Variants in NAALADL2 observed in about 807,000 individuals in gnomAD.
NAALADL2 encodes inactive N-acetylated-alpha-linked acidic dipeptidase-like protein 2.
NAALADL2 carries 76 observed loss-of-function variants against 87.2 expected under a neutral mutation model. The ratio of observed to expected loss-of-function variants is 0.87; its 90% CI spans 0.72 to 1.05. NAALADL2 has a LOEUF of 1.05. NAALADL2 is among the 50% of genes least tolerant of loss of function. NAALADL2 has a pLI of 0.00. For synonymous variants in NAALADL2, 354 were observed against 331.0 expected, an observed-to-expected ratio of 1.07 and a Z score of -0.75; for missense variants, 1,089 against 945.8, an observed-to-expected ratio of 1.15 and a Z score of -1.99.
At chr3:174,578,331 G>A (rs538270651) in intron 2 of NAALADL2, among the ~76,000 whole-genome samples, 2 of 151,850 alleles carry the variant, frequency 1.3e-5, no homozygotes, top group African/African-American at 4.8e-5. Flanking sequence ...TAGGCATATC[G>A]TAAGCTAACT....
chr3:174,900,241 G>A lies in NAALADL2; in HGVS notation c.43+40791G>A, dbSNP rs571506845. On this transcript the variant is annotated intron_variant, in intron 1 of 13. Coordinates refer to ENST00000454872, the MANE Select transcript of NAALADL2 (RefSeq NM_207015.3). ...CTTTTATTATAGATAAAATGGACAA[G>A]TTAGAATCACAAAATTGGGTAGATA... 2.0e-5 allele frequency among the ~76,000 whole-genome samples: 3 copies of A among 152,098 alleles called. No homozygotes were observed. The East Asian group carries it at 5.8e-4, about 29-fold the overall frequency.
At chr3:175,401,011 G>T (rs1770499780) in intron 5 of NAALADL2, among the ~76,000 whole-genome samples, 2 of 152,150 alleles carry the variant, frequency 1.3e-5, no homozygotes, top group African/African-American at 4.8e-5. Context: ...TTTCTCTAAA[G>T]TTAGCGGCTT....
chr3:174,962,813 G>C (rs1040137816), intron 1 of NAALADL2, among the ~76,000 whole-genome samples: 1 of 152,012 alleles, frequency 6.6e-6, no homozygotes, highest in African/African-American at 2.4e-5. Context: ...TTGTCCCTCT[G>C]TATCTGTGGG....
intron 1 of NAALADL2, among the ~76,000 whole-genome samples, chr3:174,502,575 G>T (rs891909065): frequency 6.6e-6 from 1 of 151,926 alleles, no homozygotes; most frequent in Non-Finnish European, 1.5e-5. Context: ...ATTTTCATTT[G>T]AATATTTATG....
chr3:174,686,361 G>T (rs953901834), intron 2 of NAALADL2, among the ~76,000 whole-genome samples: 4 of 151,982 alleles, frequency 2.6e-5, no homozygotes, highest in African/African-American at 9.7e-5. Flanking sequence ...TTCAAAAGAG[G>T]TGAAGCATCT....
Position 175,740,956 on chromosome 3 carries a change from A to T in NAALADL2, c.1990+3557A>T, listed in dbSNP as rs149163029. Among the ~76,000 whole-genome samples the T allele has an allele frequency of 5.6e-3, 852 of 152,298 alleles. 7 individuals carry two copies. The highest frequency in any genetic ancestry group is 0.013 in the South Asian group (63 of 4,824). ...TAGGTGATAAAAAAGTATGGAGTCA[A>T]GGAAGTGTAGCATGTTTTTATTTTG... On this transcript the variant is annotated intron_variant, in intron 12 of 13. Coordinates refer to ENST00000454872, the MANE Select transcript of NAALADL2 (RefSeq NM_207015.3).
upstream of NAALADL2, among the ~76,000 whole-genome samples, chr3:174,855,858 GTGTATATA>G (rs1227912191): frequency 2.0e-5 from 3 of 146,918 alleles, no homozygotes; most frequent in Admixed American, 6.9e-5. Context: ...ATGTATATAT[GTGTATATA>G]TGTATATATA....
intron 4 of NAALADL2, among the ~76,000 whole-genome samples, chr3:175,267,484 A>G (rs981678461): frequency 1.3e-5 from 2 of 152,160 alleles, no homozygotes; most frequent in East Asian, 1.9e-4. Flanking sequence ...GTTTTGAGTA[A>G]TGCCTGACTC....
rs200882689 is a variant in NAALADL2 at position 175,234,014 on chromosome 3, A to G, written c.629A>G (p.Glu210Gly). The change falls in exon 3 of 14, where the codon GAA (glutamate) becomes GGA (glycine). Residue 210 changes from glutamate to glycine, a missense_variant. Glu to Gly is a moderately conservative substitution (Grantham distance 98, BLOSUM62 -2). Coordinates refer to ENST00000454872, the MANE Select transcript of NAALADL2 (RefSeq NM_207015.3). ...IKTQWTSLGLEDVQFVNYSVL... is the reference protein window; with the variant it reads ...IKTQWTSLGLGDVQFVNYSVL... ...ACTCAGTGGACCTCTTTGGGCCTAG[A>G]AGATGTACAGTTTGTAAATTACTCT... is the stretch of plus-strand genomic sequence containing the variant. 1.9e-6 allele frequency: 3 copies of G among 1,613,766 alleles called. No individual in the cohort carries two copies. The highest frequency in any genetic ancestry group is 4.5e-5 in the East Asian group (2 of 44,878).
intron 2 of NAALADL2, among the ~76,000 whole-genome samples, chr3:175,177,807 G>A (rs1156985024): frequency 6.6e-6 from 1 of 151,096 alleles, no homozygotes; most frequent in Non-Finnish European, 1.5e-5. Flanking sequence ...ACGAATAAGT[G>A]AGGTGATTTG....
In NAALADL2 at chr3:175,743,891, A is replaced by C. The variant is rs181402437; in HGVS notation, c.1990+6492A>C. On this transcript the variant is annotated intron_variant, in intron 12 of 13. Transcript: ENST00000454872. ...AGGCTAAGGAAAAGAGAGTATCTCTATGTGGATATTGACATTGTAAAGAAT... is the reference window on the plus strand; with the variant it reads ...AGGCTAAGGAAAAGAGAGTATCTCTCTGTGGATATTGACATTGTAAAGAAT... Among the ~76,000 whole-genome samples the C allele has an allele frequency of 3.3e-5, 5 of 152,350 alleles. No individual in the cohort carries two copies. The East Asian group carries it at 7.7e-4, about 24-fold the overall frequency.
At chr3:175,306,812 C>A (rs1757782282) in intron 4 of NAALADL2, among the ~76,000 whole-genome samples, 2 of 152,174 alleles carry the variant, frequency 1.3e-5, no homozygotes, top group Admixed American at 1.3e-4. Flanking sequence ...TGCCACTGCA[C>A]TCCAACCTGG....
chr3:174,923,993 C>A (rs1357737003), intron 1 of NAALADL2, among the ~76,000 whole-genome samples: 1 of 152,096 alleles, frequency 6.6e-6, no homozygotes, highest in Non-Finnish European at 1.5e-5. Context: ...ATAGGACTGA[C>A]TAGGTTTTTA....
At chr3:175,703,504 A>T (rs1251102274) in intron 11 of NAALADL2, among the ~76,000 whole-genome samples, 1 of 152,166 alleles carries the variant, frequency 6.6e-6, no homozygotes, top group African/African-American at 2.4e-5. Flanking sequence ...GCACTTTGGG[A>T]GGCCGAGGCG....
At chr3:175,754,919 CTTAAT>C (rs778060069) in intron 12 of NAALADL2, among the ~76,000 whole-genome samples, 8 of 152,114 alleles carry the variant, frequency 5.3e-5, no homozygotes, top group Admixed American at 2.6e-4. Flanking sequence ...CAGTGATAAA[CTTAAT>C]TTAGTAAAAT....
At chr3:175,569,687 A>T (rs918260806) in intron 9 of NAALADL2, among the ~76,000 whole-genome samples, 4 of 152,054 alleles carry the variant, frequency 2.6e-5, no homozygotes, top group African/African-American at 7.2e-5. Flanking sequence ...TCTGCAAACC[A>T]GGAAGAAAGC....
At chr3:175,274,874 C>CT (rs1431905572) in intron 4 of NAALADL2, among the ~76,000 whole-genome samples, 3 of 152,088 alleles carry the variant, frequency 2.0e-5, no homozygotes, top group African/African-American at 7.2e-5. Flanking sequence ...CATAGTTATT[C>CT]TTTTCCTGCT....
At chr3:175,719,276 A>G (rs1158591858) in intron 11 of NAALADL2, among the ~76,000 whole-genome samples, 2 of 152,000 alleles carry the variant, frequency 1.3e-5, no homozygotes, top group African/African-American at 4.8e-5. Flanking sequence ...AGAAATCTCT[A>G]TCTACTACTG....
chr3:175,210,099 G>A (rs1741549314), intron 2 of NAALADL2, among the ~76,000 whole-genome samples: 1 of 151,722 alleles, frequency 6.6e-6, no homozygotes, highest in African/African-American at 2.4e-5. Flanking sequence ...TGTAAAGACA[G>A]CCCTTTCAAA....
Sources: allele counts gnomAD v4.1 joint callset (sites outside exome capture counted in the v4.1 genomes callset), GRCh38; gene constraint gnomAD v4.1.1; transcripts MANE v1.5; gene names NCBI Gene and HGNC (gene_info 2026-07-23, HGNC 2026-07-21).